The following NAV3 variants were observed in gnomAD, a reference collection of about 807,000 sequenced individuals.
The protein encoded by NAV3 is pore membrane and/or filament interacting like protein 1.
Under a neutral mutation model 244.7 loss-of-function variants are expected in NAV3, and 87 were observed. That is an observed-to-expected ratio of 0.36 (90% CI 0.30 to 0.42). The LOEUF (loss-of-function observed/expected upper bound fraction) is 0.42, where lower values mean the gene tolerates loss of function less well. Among genes scored for constraint, NAV3 ranks in the 20% least tolerant of loss-of-function variants. The pLI is 1.00. For missense variants in NAV3, 2,663 were observed against 2,893.3 expected, an observed-to-expected ratio of 0.92 and a Z score of 1.83; for synonymous variants, 1,126 against 1,042.2, an observed-to-expected ratio of 1.08 and a Z score of -1.55.
chr12:78,188,866 A>G, intron 33 of NAV3, 89 bp downstream of exon 33: 1 of 1,257,442 alleles, frequency 8.0e-7, no homozygotes, highest in Non-Finnish European at 1.1e-6. Flanking sequence ...AGTTTCCCTT[A>G]AAATTTTTCT....
chr12:77,911,980 A>C (rs1839725630), intron 1 of NAV3, among the ~76,000 whole-genome samples: 1 of 152,070 alleles, frequency 6.6e-6, no homozygotes, highest in Non-Finnish European at 1.5e-5. Context: ...ATTCTGGAAA[A>C]GTAGCTTAAC....
intron 1 of NAV3, among the ~76,000 whole-genome samples, chr12:77,879,863 T>C (rs1278272588): frequency 6.6e-6 from 1 of 152,156 alleles, no homozygotes; most frequent in Non-Finnish European, 1.5e-5. Flanking sequence ...TCTATAATTT[T>C]GTAGTACACA....
intron 2 of NAV3, among the ~76,000 whole-genome samples, chr12:77,802,586 G>A (rs1055547015): frequency 6.6e-6 from 1 of 152,204 alleles, no homozygotes; most frequent in Non-Finnish European, 1.5e-5. Flanking sequence ...AAATTCTAGA[G>A]TAATGTAAGC....
chr12:77,657,994 C>A (rs1399322276), intron 2 of NAV3, among the ~76,000 whole-genome samples: 3 of 151,724 alleles, frequency 2.0e-5, no homozygotes, highest in Non-Finnish European at 2.9e-5. Context: ...AACCCACAGC[C>A]AATATCATAC....
At chr12:78,037,165 A>G in intron 9 of NAV3, 1 of 703,004 alleles carries the variant, frequency 1.4e-6, no homozygotes, top group Non-Finnish European at 2.6e-6. Flanking sequence ...GACAGTGAAG[A>G]CTTAGAGGAA....
chr12:77,739,393 C>T (rs370491244), intron 2 of NAV3, among the ~76,000 whole-genome samples: 1 of 150,772 alleles, frequency 6.6e-6, no homozygotes, highest in African/African-American at 2.5e-5. Flanking sequence ...CTGTGTATAG[C>T]GCATATCTAT....
chr12:77,831,249 A>G lies in NAV3; in HGVS notation c.-213A>G, dbSNP rs747628299. On this transcript the variant is annotated 5_prime_UTR_variant, in exon 1 of 40. In the 5' UTR this introduces an upstream ATG that the reference lacks. Transcript: ENST00000397909. ...AGAGAGAGAGAGAATGAGAATGAAT[A>G]TGAATCCCAGCCAGCAAGAAAGAAA... is the stretch of plus-strand genomic sequence containing the variant. 4 of 465,702 alleles carry G rather than the reference A, an allele frequency of 8.6e-6. No homozygotes were observed. The highest frequency in any genetic ancestry group is 6.2e-5 in the African/African-American group (3 of 48,440). The allele number at this position is 465,702 out of a possible 1,614,324, so 28.8% of individuals were successfully genotyped here. A position where few individuals can be genotyped will look rare whatever the true frequency, so the allele number is the denominator to read the frequency against.
intron 1 of NAV3, among the ~76,000 whole-genome samples, chr12:77,862,148 A>T (rs971216582): frequency 2.0e-5 from 3 of 146,704 alleles, no homozygotes; most frequent in African/African-American, 5.0e-5. Flanking sequence ...ATTAAAATGA[A>T]TTTTTTTTTT....
At chr12:77,669,576 T>G (rs369216618) in intron 2 of NAV3, among the ~76,000 whole-genome samples, 23 of 151,830 alleles carry the variant, frequency 1.5e-4, no homozygotes, top group African/African-American at 5.3e-4. Context: ...AAAACAAACT[T>G]TAAAGGAACA....
chr12:77,986,592 T>A (rs1870557620), intron 5 of NAV3, among the ~76,000 whole-genome samples: 1 of 152,074 alleles, frequency 6.6e-6, no homozygotes, highest in South Asian at 2.1e-4. Flanking sequence ...TGAAGCAAAT[T>A]TGATTCTTGA....
At position 78,175,365 on chromosome 12, in the gene NAV3, A is replaced by C. The variant is rs748435852; in HGVS notation, c.5041A>C (p.Ser1681Arg). ...ESVSSINSAT[S>R]HSSIGSGNDA... ...TGTTTCTAGTATCAACAGTGCCACA[A>C]GCCATTCCAGTATTGGCAGTGGTAA... Residue 1681 changes from serine (S) to arginine (R), a missense_variant, in exon 25 of 40, where the codon AGC becomes CGC. Physicochemically the swap from Ser to Arg is moderately radical, Grantham distance 110. Transcript: ENST00000397909. 2 of 1,611,858 alleles carry C rather than the reference A, an allele frequency of 1.2e-6. No individual in the cohort carries two copies. Among genetic ancestry groups the C allele is most frequent in the African/African-American group, 1.3e-5 (1 of 74,926 alleles).
intron 2 of NAV3, among the ~76,000 whole-genome samples, chr12:77,721,023 T>C (rs1037293789): frequency 4.6e-5 from 7 of 152,162 alleles, no homozygotes; most frequent in African/African-American, 1.7e-4. Flanking sequence ...GTGTTTTTTA[T>C]TTGTTTGCTT....
chr12:78,087,909 T>A (rs1326616356), intron 12 of NAV3, among the ~76,000 whole-genome samples: 2 of 151,858 alleles, frequency 1.3e-5, no homozygotes, highest in Non-Finnish European at 2.9e-5. Context: ...TGAACTATTA[T>A]GTTTATTGCA....
In NAV3 at chr12:77,700,976, A is replaced by C. The variant is rs192318785; in HGVS notation, c.72+128710A>C. 1.7e-3 allele frequency among the ~76,000 whole-genome samples: 251 copies of C among 151,734 alleles called. 1 individual carries two copies. Among genetic ancestry groups the C allele is most frequent in the African/African-American group, 5.7e-3 (236 of 41,512 alleles). On this transcript the variant is annotated intron_variant, in intron 2 of 8. Coordinates refer to the NAV3 transcript ENST00000550042. The stretch of plus-strand genomic sequence containing the variant: ...TAACTTTCTAATATTTCATTAAACA[A>C]TTTTATATTAATAATGATGAGGTTT...
At chr12:77,801,291 T>C (rs1254670623) in intron 2 of NAV3, among the ~76,000 whole-genome samples, 1 of 152,150 alleles carries the variant, frequency 6.6e-6, no homozygotes, top group Non-Finnish European at 1.5e-5. Flanking sequence ...AAATATACTG[T>C]CTTTTATAGC....
chr12:77,765,297 T>A (rs537087216), intron 2 of NAV3, among the ~76,000 whole-genome samples: 1 of 152,322 alleles, frequency 6.6e-6, no homozygotes, highest in South Asian at 2.1e-4. Context: ...GTTTGCTCCA[T>A]AACTCCAAAT....
intron 1 of NAV3, among the ~76,000 whole-genome samples, chr12:77,856,389 C>T (rs1419031341): frequency 6.6e-6 from 1 of 152,124 alleles, no homozygotes; most frequent in Non-Finnish European, 1.5e-5. Context: ...TGCACATTGG[C>T]TGTTGGGCCC....
intron 3 of NAV3, chr12:77,950,694 A>C (rs1228608143): frequency 6.6e-6 from 1 of 152,266 alleles, no homozygotes; most frequent in Non-Finnish European, 1.5e-5. Flanking sequence ...TAACCAAAAC[A>C]GCATGGTACT....
chr12:77,602,340 TGGA>T (rs964979985), intron 2 of NAV3, among the ~76,000 whole-genome samples: 3 of 151,990 alleles, frequency 2.0e-5, no homozygotes, highest in African/African-American at 7.2e-5. Flanking sequence ...AGATCTGAGA[TGGA>T]GGAGGTAGAA....
Sources: allele counts gnomAD v4.1 joint callset (sites outside exome capture counted in the v4.1 genomes callset), GRCh38; gene constraint gnomAD v4.1.1; transcripts MANE v1.5; gene names NCBI Gene and HGNC (gene_info 2026-07-23, HGNC 2026-07-21).